WWP2: variants seen among roughly 807,000 people sequenced by gnomAD.
The protein encoded by WWP2 is WW domain containing E3 ubiquitin protein ligase 2.
In WWP2, 57 loss-of-function variants were observed where a neutral mutation model predicts 121.0. The ratio of observed to expected loss-of-function variants is 0.47; its 90% CI spans 0.38 to 0.59. The LOEUF (loss-of-function observed/expected upper bound fraction) is 0.59. Ranked by LOEUF, WWP2 falls within the 20% of genes least tolerant of loss-of-function variation. WWP2 has a pLI of 0.00. For synonymous variants in WWP2, 449 were observed against 441.3 expected (o/e 1.02, Z -0.22); for missense variants, 962 against 1,158.9 (o/e 0.83, Z 2.47).
intron 2 of WWP2, among the ~76,000 whole-genome samples, chr16:69,796,276 A>C (rs951927142): frequency 6.6e-6 from 1 of 152,186 alleles, no homozygotes; most frequent in African/African-American, 2.4e-5. Context: ...TTCTCAACTT[A>C]CAGTGGGGTT....
At chr16:69,882,051 T>G (rs1336935846) in intron 7 of WWP2, among the ~76,000 whole-genome samples, 1 of 151,842 alleles carries the variant, frequency 6.6e-6, no homozygotes, top group Non-Finnish European at 1.5e-5. Flanking sequence ...AACTCCTGGC[T>G]TCAAATGATC....
chr16:69,816,064 G>T (rs771568033), intron 4 of WWP2, among the ~76,000 whole-genome samples: 3 of 152,064 alleles, frequency 2.0e-5, no homozygotes, highest in Non-Finnish European at 4.4e-5. Flanking sequence ...ACAGACCCTG[G>T]TGCCTTCAAC....
At chr16:69,837,182 C>T (rs1430067978) in intron 4 of WWP2, among the ~76,000 whole-genome samples, 1 of 152,182 alleles carries the variant, frequency 6.6e-6, no homozygotes, top group Non-Finnish European at 1.5e-5. Context: ...TCCTTGGTCT[C>T]CCAAAGTGCT....
chr16:69,939,079 C>T lies in WWP2; in HGVS notation c.2396C>T (p.Thr799Ile). The change falls in exon 22 of 24, where the codon ACC becomes ATC. Residue 799 changes from threonine (T) to isoleucine (I), a missense_variant. Transcript: ENST00000359154. ...AGGATCCGGCTGCTGCAGTTTGTCACCGGTACCTGCCGCCTGCCCGTCGGG... is the reference window on the plus strand; with the variant it reads ...AGGATCCGGCTGCTGCAGTTTGTCATCGGTACCTGCCGCCTGCCCGTCGGG... ...EKRIRLLQFV[T>I]GTCRLPVGGF... 6.2e-7 allele frequency: 1 copy of T among 1,606,906 alleles called. No homozygotes were observed. Among genetic ancestry groups the T allele is most frequent in the Non-Finnish European group, 8.5e-7 (1 of 1,176,336 alleles).
At chr16:69,776,485 C>T (rs188804481) in intron 1 of WWP2, among the ~76,000 whole-genome samples, 11 of 152,304 alleles carry the variant, frequency 7.2e-5, no homozygotes, top group Non-Finnish European at 1.5e-4. Flanking sequence ...ATGAATGCCT[C>T]TTATCTAAGC....
intron 4 of WWP2, among the ~76,000 whole-genome samples, chr16:69,810,586 C>T (rs1432829149): frequency 2.0e-5 from 3 of 151,658 alleles, no homozygotes; most frequent in Non-Finnish European, 2.9e-5. Context: ...CACCACCACG[C>T]CTGGCTAATT....
In WWP2 at chr16:69,795,649, G is replaced by GTTTTTTTTTT. The variant is rs386384998; in HGVS notation, c.71-3016_71-3007dup. 4.6e-4 allele frequency among the ~76,000 whole-genome samples: 31 copies of GTTTTTTTTTT among 66,954 alleles called. 6 individuals carry two copies. The highest frequency in any genetic ancestry group is 1.8e-3 in the African/African-American group (29 of 15,918). 43.9% of individuals were successfully genotyped at this position (66,954 alleles called of 152,430 possible). A position where few individuals can be genotyped will look rare whatever the true frequency, so the allele number is the denominator to read the frequency against. On this transcript the variant is annotated intron_variant, in intron 2 of 23. Transcript: ENST00000359154. ...TAGATTGGAAACTTAAAAATAGGAG[G>GTTTTTTTTTT]TTTTTTTTTTTTTTTTTTTTTTTTT...
At chr16:69,859,164 G>A (rs1301992024) in intron 6 of WWP2, among the ~76,000 whole-genome samples, 1 of 152,144 alleles carries the variant, frequency 6.6e-6, no homozygotes, top group Non-Finnish European at 1.5e-5. Context: ...AGGATCACAC[G>A]GCTGACTTTT....
intron 6 of WWP2, among the ~76,000 whole-genome samples, chr16:69,866,800 GTATTTATTTATT>G (rs10525822): frequency 0.026 from 3,697 of 139,660 alleles, 69 homozygotes; most frequent in African/African-American, 0.047. Flanking sequence ...TTTCAGTTCC[GTATTTATTTATT>G]TATTTATTTA....
intron 2 of WWP2, chr16:69,788,140 A>C (rs537982826): frequency 6.6e-6 from 1 of 152,092 alleles, no homozygotes; most frequent in Non-Finnish European, 1.5e-5. Context: ...AGGCAGGAGG[A>C]TCACCTGAGC....
chr16:69,795,018 G>A (rs966647872), intron 2 of WWP2, among the ~76,000 whole-genome samples: 7 of 151,948 alleles, frequency 4.6e-5, no homozygotes, highest in African/African-American at 1.7e-4. Flanking sequence ...TGGATTCCTT[G>A]AGCCCAGGAG....
chr16:69,917,556 G>A, intron 9 of WWP2, 153 bp from the exon 10 acceptor site: 1 of 784,736 alleles, frequency 1.3e-6, no homozygotes, highest in South Asian at 2.1e-5. Context: ...GGGTGCTGCA[G>A]AGGCAACCAC....
intron 1 of WWP2, among the ~76,000 whole-genome samples, chr16:69,770,787 C>T (rs1200781663): frequency 6.6e-6 from 1 of 152,002 alleles, no homozygotes; most frequent in Non-Finnish European, 1.5e-5. Context: ...CTGCCAGCTG[C>T]AGAATTGATT....
chr16:69,883,893 G>T (rs2057875760), intron 7 of WWP2, among the ~76,000 whole-genome samples: 2 of 152,104 alleles, frequency 1.3e-5, no homozygotes, highest in Non-Finnish European at 2.9e-5. Context: ...TGATTGGAGG[G>T]TCTTCTGCCC....
chr16:69,864,724 AT>A lies in WWP2; in HGVS notation c.576-7065del, dbSNP rs1255768791. On this transcript the variant is annotated intron_variant, in intron 6 of 23. Transcript: ENST00000359154. Reference sequence around the variant, plus strand: ...GCCACTATGCCTGACGAATTTTTGCATTTTTTTTTTTTTTTGAGACAGAGTC... The same window carrying A: ...GCCACTATGCCTGACGAATTTTTGCATTTTTTTTTTTTTTGAGACAGAGTC... 8.6e-3 allele frequency among the ~76,000 whole-genome samples: 1,184 copies of A among 137,628 alleles called. 10 individuals are homozygous for A. The highest frequency in any genetic ancestry group is 0.025 in the African/African-American group (921 of 37,454). 90.3% of individuals were successfully genotyped at this position (137,628 alleles called of 152,430 possible). A position where few individuals can be genotyped will look rare whatever the true frequency, so the allele number is the denominator to read the frequency against.
chr16:69,780,149 A>T (rs1431719563), intron 1 of WWP2, among the ~76,000 whole-genome samples: 1 of 151,838 alleles, frequency 6.6e-6, no homozygotes, highest in Non-Finnish European at 1.5e-5. Flanking sequence ...TTCCCGTCGT[A>T]CTTTTATACT....
intron 9 of WWP2, among the ~76,000 whole-genome samples, chr16:69,910,916 A>G (rs2058370066): frequency 1.3e-5 from 2 of 152,178 alleles, no homozygotes; most frequent in South Asian, 4.1e-4. Context: ...GAGATGGCTC[A>G]CCTGTACGCC....
rs2058775224 is a variant in WWP2, at chr16:69,935,039, G to A, written c.1843-814G>A. 6.6e-6 allele frequency among the ~76,000 whole-genome samples: 1 copy of A among 152,178 alleles called. No individual in the cohort carries two copies. Among genetic ancestry groups the A allele is most frequent in the South Asian group, 2.1e-4 (1 of 4,822 alleles). ...GGAAAGAGGGACACAATGTGAATAT[G>A]GAAAGGGAGGTCCTGCCACGTGCCC... is the stretch of plus-strand genomic sequence containing the variant. On this transcript the variant is annotated intron_variant, in intron 17 of 23. Coordinates refer to ENST00000359154, the MANE Select transcript of WWP2 (RefSeq NM_001270454.2). The surrounding 1 kb of genome is among the most constrained non-coding windows in gnomAD (Gnocchi z 5.2).
At chr16:69,910,543 G>A (rs1270111443) in intron 9 of WWP2, 3 of 190,114 alleles carry the variant, frequency 1.6e-5, no homozygotes, top group East Asian at 3.7e-4. Context: ...CTAAGTAGCT[G>A]GGATTACAGG....
Sources: allele counts gnomAD v4.1 joint callset (sites outside exome capture counted in the v4.1 genomes callset), GRCh38; gene constraint gnomAD v4.1.1; non-coding constraint Gnocchi (gnomAD v3.1); transcripts MANE v1.5; gene names NCBI Gene and HGNC (gene_info 2026-07-23, HGNC 2026-07-21).